RIC8B: variants seen among roughly 807,000 people sequenced by gnomAD.
RIC8B encodes RIC8 guanine nucleotide exchange factor B.
A neutral mutation model predicts 57.5 loss-of-function variants in RIC8B; 16 were observed. The observed-to-expected ratio is 0.28, with a 90% CI of 0.19 to 0.42. The LOEUF (loss-of-function observed/expected upper bound fraction) is 0.42, where lower values mean the gene tolerates loss of function less well. RIC8B is among the 10% of genes least tolerant of loss of function. The pLI is 1.00. For missense variants in RIC8B, 481 were observed against 677.0 expected (o/e 0.71, Z 3.21); for synonymous variants, 216 against 250.8 (o/e 0.86, Z 1.31).
chr12:106,854,141 T>C (rs1266886272), intron 7 of RIC8B, among the ~76,000 whole-genome samples: 1 of 152,148 alleles, frequency 6.6e-6, no homozygotes, highest in African/African-American at 2.4e-5. Flanking sequence ...TCAAGGAACA[T>C]GTGGCCAGGG....
At chr12:106,849,065 A>C (rs1949340405) in intron 6 of RIC8B, among the ~76,000 whole-genome samples, 1 of 152,088 alleles carries the variant, frequency 6.6e-6, no homozygotes. Flanking sequence ...ATTTGATAGC[A>C]CAACAGGGTG....
intron 2 of RIC8B, among the ~76,000 whole-genome samples, chr12:106,814,030 A>G (rs1387989710): frequency 6.6e-6 from 1 of 152,238 alleles, no homozygotes; most frequent in East Asian, 1.9e-4. Flanking sequence ...ATATATTTGT[A>G]CAGTCTGTGC....
intron 8 of RIC8B, among the ~76,000 whole-genome samples, chr12:106,868,842 C>G (rs961989369): frequency 1.4e-5 from 2 of 147,844 alleles, no homozygotes; most frequent in African/African-American, 5.0e-5. Context: ...TAAGGTGAGG[C>G]CCAAGCTTTT....
At chr12:106,815,780 A>C (rs748618954) in intron 3 of RIC8B, among the ~76,000 whole-genome samples, 2 of 152,210 alleles carry the variant, frequency 1.3e-5, no homozygotes, top group Non-Finnish European at 2.9e-5. Context: ...CTGTTGTCCC[A>C]GTCTCTGGGA....
chr12:106,840,537 C>CA (rs1948899635), intron 4 of RIC8B, among the ~76,000 whole-genome samples: 1 of 152,124 alleles, frequency 6.6e-6, no homozygotes, highest in African/African-American at 2.4e-5. Context: ...ATAAAACTGT[C>CA]AGAGAAGTGA....
chr12:106,799,320 TGCATCAACCTCCTACTCTATGCCAAGCA>T (rs2044623797), intron 2 of RIC8B, among the ~76,000 whole-genome samples: 1 of 152,208 alleles, frequency 6.6e-6, no homozygotes. Context: ...TGATGTAATG[TGCATCAACCTCCTACTCTATGCCAAGCA>T]CTATGCTAGA....
chr12:106,808,450 A>C (rs1003644617), intron 2 of RIC8B, among the ~76,000 whole-genome samples: 5 of 152,208 alleles, frequency 3.3e-5, no homozygotes, highest in African/African-American at 9.7e-5. Context: ...AGGATAAGAA[A>C]TGTGGTCTAG....
At chr12:106,782,427 C>T (rs2043808063) in intron 1 of RIC8B, among the ~76,000 whole-genome samples, 1 of 152,162 alleles carries the variant, frequency 6.6e-6, no homozygotes, top group Non-Finnish European at 1.5e-5. Flanking sequence ...TTATTGATGT[C>T]CATTCCTCAC....
At chr12:106,854,558 C>T (rs561203252) in intron 7 of RIC8B, among the ~76,000 whole-genome samples, 19 of 151,992 alleles carry the variant, frequency 1.3e-4, no homozygotes, top group Admixed American at 3.3e-4. Context: ...TTTGGGAGGC[C>T]GAGGCGGGCA....
chr12:106,827,303 C>G (rs539765311), intron 4 of RIC8B, among the ~76,000 whole-genome samples: 1 of 152,218 alleles, frequency 6.6e-6, no homozygotes, highest in East Asian at 1.9e-4. Flanking sequence ...TTAAACAATT[C>G]AAATAAACTC....
chr12:106,867,547 A>AGAC lies in RIC8B; in HGVS notation c.1452-3275_1452-3273dup, dbSNP rs1430804019. 6.6e-6 allele frequency among the ~76,000 whole-genome samples: 1 copy of AGAC among 152,232 alleles called. No homozygotes were observed. The highest frequency in any genetic ancestry group is 2.4e-5 in the African/African-American group (1 of 41,468). The stretch of plus-strand genomic sequence containing the variant: ...ATTGAAACCTGGACTGTGGCGTCTC[A>AGAC]GACTGTACTATTTGAGGTTGAAAGG... On this transcript the variant is annotated intron_variant, in intron 8 of 9. Coordinates refer to ENST00000392837, the MANE Select transcript of RIC8B (RefSeq NM_001330145.2). The surrounding 1 kb of genome is among the most constrained non-coding windows in gnomAD (Gnocchi z 4.3).
In RIC8B at chr12:106,774,814, G is replaced by A; in HGVS notation, c.69G>A (p.Arg23=). The part of the protein sequence containing the change: ...GEAGAIERVL[R]DYSDKHRATF... The stretch of plus-strand genomic sequence containing the variant: ...CAGGGGCTATCGAGCGGGTCCTGAG[G>A]GATTACAGCGACAAGGTAAAGAGTC... The change falls in exon 1 of 10, where the codon AGG becomes AGA. Residue 23 remains arginine (R), a synonymous_variant. Transcript: ENST00000392837. The A allele has an allele frequency of 6.4e-7, 1 of 1,553,564 alleles. No individual in the cohort carries two copies. The highest frequency in any genetic ancestry group is 2.4e-5 in the East Asian group (1 of 41,156).
intron 4 of RIC8B, among the ~76,000 whole-genome samples, chr12:106,826,267 A>G (rs1172473673): frequency 1.3e-5 from 2 of 152,150 alleles, no homozygotes; most frequent in Admixed American, 1.3e-4. Context: ...AGATCAAGCA[A>G]TTTCTCTGAG....
rs531346241 is a variant in RIC8B, at chr12:106,786,824, A to G, written c.132+2780A>G. On this transcript the variant is annotated intron_variant, in intron 2 of 9. Transcript: ENST00000392837. ...AAAAAAGCAAGGTGTTAAAAAGAACATGTTGTTTGACAAACTCATGATAAG... is the reference window on the plus strand; with the variant it reads ...AAAAAAGCAAGGTGTTAAAAAGAACGTGTTGTTTGACAAACTCATGATAAG... Among the ~76,000 whole-genome samples the G allele has an allele frequency of 5.9e-5, 9 of 152,288 alleles. No homozygotes were observed. The South Asian group carries it at 1.9e-3, about 32-fold the overall frequency.
chr12:106,870,823 C>T lies in RIC8B; in HGVS notation c.1452C>T (p.Asn484=). ...DTEEYKNAKP[N]INLITGHLEE... Reference sequence around the variant, plus strand: ...GCATAACTTTTTTTTCTTTTTGTAGCATTAATCTTATCACTGGTCATTTAG... The same window carrying T: ...GCATAACTTTTTTTTCTTTTTGTAGTATTAATCTTATCACTGGTCATTTAG... Residue 484 remains asparagine (N), a splice_region_variant and synonymous_variant, in exon 9 of 10, where the codon AAC becomes AAT. Coordinates refer to ENST00000392837, the MANE Select transcript of RIC8B (RefSeq NM_001330145.2). The T allele has an allele frequency of 6.6e-7, 1 of 1,509,108 alleles. No homozygotes were observed. The highest frequency in any genetic ancestry group is 2.3e-5 in the Admixed American group (1 of 44,102). The allele number at this position is 1,509,108 out of a possible 1,614,324, so 93.5% of individuals were successfully genotyped here.
At chr12:106,883,561 T>A (rs1315566427) in intron 9 of RIC8B, among the ~76,000 whole-genome samples, 7 of 152,074 alleles carry the variant, frequency 4.6e-5, no homozygotes, top group Non-Finnish European at 8.8e-5. Context: ...TCATCTGAGC[T>A]GAAACAACAG....
chr12:106,775,070 GTCC>G (rs1479971248), intron 1 of RIC8B, among the ~76,000 whole-genome samples: 1 of 152,098 alleles, frequency 6.6e-6, no homozygotes, highest in Non-Finnish European at 1.5e-5. Flanking sequence ...TTGACCTCCG[GTCC>G]TCCTCTCAAG....
chr12:106,817,985 A>G (rs186312695), intron 3 of RIC8B, among the ~76,000 whole-genome samples: 67 of 152,352 alleles, frequency 4.4e-4, no homozygotes, highest in Non-Finnish European at 7.8e-4. Flanking sequence ...GAATTTTAAA[A>G]CAGTGACTGA....
At chr12:106,843,783 T>G in intron 5 of RIC8B, 69 bp from the exon 6 acceptor site, 22 of 1,005,626 alleles carry the variant, frequency 2.2e-5, no homozygotes, top group East Asian at 5.3e-5. Context: ...CTCAGTTACA[T>G]GAAGGAAAGT....
Sources: gnomAD v4.1 joint callset for allele counts (sites outside exome capture counted in the v4.1 genomes callset) on GRCh38, gnomAD v4.1.1 for gene constraint, Gnocchi (gnomAD v3.1) non-coding constraint, MANE v1.5 for transcripts, NCBI Gene and HGNC (gene_info 2026-07-23, HGNC 2026-07-21) for gene names.